Variants in IQCM observed in about 807,000 individuals in gnomAD.
IQCM encodes IQ motif containing M.
A neutral mutation model predicts 57.6 loss-of-function variants in IQCM; 45 were observed. The ratio of observed to expected loss-of-function variants is 0.78; its 90% CI spans 0.62 to 1.00. IQCM has a LOEUF of 1.00. Among genes scored for constraint, IQCM ranks in the 50% least tolerant of loss-of-function variants. The pLI is 0.00. For missense variants in IQCM, 468 were observed against 511.6 expected (o/e 0.91, Z 0.82); for synonymous variants, 148 against 158.9 (o/e 0.93, Z 0.51).
At chr4:149,472,921 T>C (rs1202769930) in intron 12 of IQCM, among the ~76,000 whole-genome samples, 2 of 152,232 alleles carry the variant, frequency 1.3e-5, no homozygotes, top group Non-Finnish European at 1.5e-5. Flanking sequence ...GCTAGCCATA[T>C]GTAGACAGCT....
chr4:149,471,853 A>G (rs980306624), intron 12 of IQCM, among the ~76,000 whole-genome samples: 4 of 152,220 alleles, frequency 2.6e-5, no homozygotes, highest in Admixed American at 2.6e-4. Context: ...TCATATAAAC[A>G]GAACCAAAGA....
At position 149,735,187 on chromosome 4, in the gene IQCM, A is replaced by C. The variant is rs76962487; in HGVS notation, c.120+189T>G. Among the ~76,000 whole-genome samples the C allele has an allele frequency of 9.0e-3, 1,366 of 152,328 alleles. 10 individuals are homozygous for C. Among genetic ancestry groups the C allele is most frequent in the African/African-American group, 0.03 (1,265 of 41,580 alleles). ...TGTATAATTAAAATTCATACAACTA[A>C]AAAATCTTATTTTAAAATGTCATTT... On this transcript the variant is annotated intron_variant, in intron 4 of 13. Coordinates refer to ENST00000636793, the MANE Select transcript of IQCM (RefSeq NM_001363507.2).
At chr4:149,775,977 T>C (rs1771051935) in intron 2 of IQCM, among the ~76,000 whole-genome samples, 1 of 152,126 alleles carries the variant, frequency 6.6e-6, no homozygotes, top group Non-Finnish European at 1.5e-5. Flanking sequence ...ACAAAATTTA[T>C]CATTCACTCT....
intron 8 of IQCM, among the ~76,000 whole-genome samples, chr4:149,592,440 G>A (rs1753287701): frequency 1.3e-5 from 2 of 151,982 alleles, no homozygotes; most frequent in Non-Finnish European, 2.9e-5. Context: ...TTCTTCTGCT[G>A]TGCAGAAGCT....
chr4:149,480,890 G>T (rs931923669), intron 12 of IQCM, among the ~76,000 whole-genome samples: 3 of 152,014 alleles, frequency 2.0e-5, no homozygotes, highest in African/African-American at 7.2e-5. Context: ...AGTGTACAAG[G>T]GTTCCTTAGC....
chr4:149,662,574 A>G (rs1640729292), intron 7 of IQCM, among the ~76,000 whole-genome samples: 1 of 151,964 alleles, frequency 6.6e-6, no homozygotes, highest in South Asian at 2.1e-4. Context: ...TAATATTTAT[A>G]TATTTAGGAG....
At chr4:149,634,750 C>CTA (rs1456999877) in intron 7 of IQCM, among the ~76,000 whole-genome samples, 6 of 152,140 alleles carry the variant, frequency 3.9e-5, no homozygotes, top group Non-Finnish European at 7.3e-5. Context: ...AGAACAATTA[C>CTA]TATATATTAG....
rs528613695 is a variant in IQCM at position 149,407,246 on chromosome 4, C to A, written c.1390+26150G>T. Among the ~76,000 whole-genome samples, 5 of 152,264 alleles carry A rather than the reference C, an allele frequency of 3.3e-5. No homozygotes were observed. The South Asian group carries it at 8.3e-4, about 25-fold the overall frequency. ...GGATTTGGGTCCAGCTAAACCATAT[C>A]ACAGTCTAACAGTTAATTTTCAATT... is the stretch of plus-strand genomic sequence containing the variant. On this transcript the variant is annotated intron_variant, in intron 13 of 13. Coordinates refer to ENST00000636793, the MANE Select transcript of IQCM (RefSeq NM_001363507.2).
At chr4:149,747,376 A>G (rs1278981236) in intron 2 of IQCM, among the ~76,000 whole-genome samples, 1 of 152,206 alleles carries the variant, frequency 6.6e-6, no homozygotes, top group Non-Finnish European at 1.5e-5. Flanking sequence ...GTATTTGCAT[A>G]TAACCTATGC....
At chr4:149,626,480 G>A (rs190158504) in intron 7 of IQCM, among the ~76,000 whole-genome samples, 17 of 148,548 alleles carry the variant, frequency 1.1e-4, no homozygotes, top group African/African-American at 4.2e-4. Context: ...ATACTAAGCA[G>A]CAAAACAAGC....
chr4:149,592,763 T>C (rs1250657842), intron 8 of IQCM, among the ~76,000 whole-genome samples: 5 of 152,188 alleles, frequency 3.3e-5, no homozygotes, highest in East Asian at 1.9e-4. Context: ...GATCAGATGG[T>C]TGTAGATGGG....
At chr4:149,407,691 T>C (rs1733083077) in intron 13 of IQCM, among the ~76,000 whole-genome samples, 1 of 152,232 alleles carries the variant, frequency 6.6e-6, no homozygotes, top group Non-Finnish European at 1.5e-5. Flanking sequence ...ATAGTGTATA[T>C]GTACCACATT....
At chr4:149,506,997 G>A (rs940164564) in intron 12 of IQCM, among the ~76,000 whole-genome samples, 1 of 152,178 alleles carries the variant, frequency 6.6e-6, no homozygotes, top group Non-Finnish European at 1.5e-5. Flanking sequence ...GGACCTGGGG[G>A]CAGGTCTTTC....
At chr4:149,358,457 G>T (rs999174871) in intron 13 of IQCM, among the ~76,000 whole-genome samples, 3 of 152,028 alleles carry the variant, frequency 2.0e-5, no homozygotes, top group Non-Finnish European at 4.4e-5. Context: ...CTTTGTTCTT[G>T]TTGGTTTCAA....
chr4:149,633,925 A>T (rs761805027), intron 7 of IQCM, among the ~76,000 whole-genome samples: 44 of 152,334 alleles, frequency 2.9e-4, no homozygotes, highest in Non-Finnish European at 4.9e-4. Flanking sequence ...TGACTATGTG[A>T]TAACAAAGAT....
At chr4:149,554,862 G>A (rs549088816) in intron 10 of IQCM, among the ~76,000 whole-genome samples, 4 of 150,746 alleles carry the variant, frequency 2.7e-5, no homozygotes, top group Non-Finnish European at 5.9e-5. Flanking sequence ...ACCACGCCCG[G>A]CTAATTTTTT....
intron 9 of IQCM, among the ~76,000 whole-genome samples, chr4:149,578,828 C>A (rs1054784138): frequency 2.0e-5 from 3 of 151,852 alleles, no homozygotes; most frequent in Admixed American, 2.0e-4. Context: ...CGGGAACACA[C>A]AGAATGATGG....
chr4:149,761,197 C>T (rs777063219), intron 2 of IQCM, among the ~76,000 whole-genome samples: 5 of 152,058 alleles, frequency 3.3e-5, no homozygotes, highest in Non-Finnish European at 5.9e-5. Flanking sequence ...AACCTTATTA[C>T]TAAATACTTA....
rs144575679 is a variant in IQCM, at chr4:149,573,518, G to A, written c.750-9628C>T. Reference sequence around the variant, plus strand: ...AATTTTGTTCATATTTCCTGAAATAGGCTAGCGTTCACTGTGTAAAGTAAA... The same window carrying A: ...AATTTTGTTCATATTTCCTGAAATAAGCTAGCGTTCACTGTGTAAAGTAAA... On this transcript the variant is annotated intron_variant, in intron 9 of 13. Coordinates refer to ENST00000636793, the MANE Select transcript of IQCM (RefSeq NM_001363507.2). Among the ~76,000 whole-genome samples, 39 of 151,948 alleles carry A rather than the reference G, an allele frequency of 2.6e-4. No individual in the cohort carries two copies. In the East Asian group the frequency reaches 3.9e-3, roughly 15 times the overall value.
Sources: gnomAD v4.1 joint callset for allele counts (sites outside exome capture counted in the v4.1 genomes callset) on GRCh38, gnomAD v4.1.1 for gene constraint, MANE v1.5 for transcripts, NCBI Gene and HGNC (gene_info 2026-07-23, HGNC 2026-07-21) for gene names.